Variants in ZNF407 observed in about 807,000 individuals in gnomAD.
ZNF407 encodes the protein zinc finger protein 407.
Under a neutral mutation model 131.2 loss-of-function variants are expected in ZNF407, and 17 were observed. The observed-to-expected ratio is 0.13, with a 90% CI of 0.09 to 0.19. The LOEUF is 0.19. Among genes scored for constraint, ZNF407 ranks in the 10% least tolerant of loss-of-function variants. The pLI is 1.00. For synonymous variants in ZNF407, 1,156 were observed against 1,062.0 expected (o/e 1.09, Z -1.72); for missense variants, 2,681 against 2,830.6 (o/e 0.95, Z 1.20).
chr18:74,967,874 C>T (rs150527505), intron 8 of ZNF407, among the ~76,000 whole-genome samples: 2 of 152,366 alleles, frequency 1.3e-5, no homozygotes, highest in Admixed American at 1.3e-4. Context: ...ATTCTTTCCA[C>T]TATACTGCAG....
rs915571429 is a variant in ZNF407 at position 74,703,063 on chromosome 18, G to T, written c.4802+61941G>T. Among the ~76,000 whole-genome samples the T allele has an allele frequency of 2.6e-5, 4 of 152,224 alleles. No individual in the cohort carries two copies. Among genetic ancestry groups the T allele is most frequent in the African/African-American group, 4.8e-5 (2 of 41,456 alleles). On this transcript the variant is annotated intron_variant, in intron 3 of 8. Transcript: ENST00000299687. The surrounding 1 kb of genome is among the most constrained non-coding windows in gnomAD (Gnocchi z 4.1). ...CAGGAGCATAACTTACACATGCCTG[G>T]TCTAGTGGTTGGAGAAACTCCTGAT...
chr18:74,978,374 AG>A (rs575540023), intron 8 of ZNF407, among the ~76,000 whole-genome samples: 48 of 152,244 alleles, frequency 3.2e-4, no homozygotes, highest in African/African-American at 1.0e-3. Context: ...GAAGACATAG[AG>A]GGGTAACGTA....
At chr18:74,836,434 G>T (rs1299307661) in intron 4 of ZNF407, among the ~76,000 whole-genome samples, 1 of 152,236 alleles carries the variant, frequency 6.6e-6, no homozygotes. Flanking sequence ...GCTGCTGTGT[G>T]TGTATTTGGG....
At chr18:74,855,182 C>A (rs1248765635) in intron 4 of ZNF407, among the ~76,000 whole-genome samples, 2 of 152,170 alleles carry the variant, frequency 1.3e-5, no homozygotes, top group African/African-American at 4.8e-5. Context: ...TGCAAACCAT[C>A]AGATCTATTG....
chr18:74,941,115 T>C (rs1007473625), intron 8 of ZNF407, among the ~76,000 whole-genome samples: 3 of 152,170 alleles, frequency 2.0e-5, no homozygotes, highest in African/African-American at 7.2e-5. Flanking sequence ...TCTTATTCTC[T>C]TGTGACTGCT....
chr18:74,825,160 AC>A (rs1451216438), intron 4 of ZNF407, among the ~76,000 whole-genome samples: 2 of 152,178 alleles, frequency 1.3e-5, no homozygotes, highest in African/African-American at 4.8e-5. Flanking sequence ...ACAATGCAGC[AC>A]CCTTTCATGC....
chr18:74,915,614 C>A (rs1230147396), intron 7 of ZNF407, among the ~76,000 whole-genome samples: 1 of 98,150 alleles, frequency 1.0e-5, no homozygotes, highest in East Asian at 3.3e-4. Flanking sequence ...AGCATTGGTT[C>A]GAATCGGGAG....
At chr18:74,720,066 A>ATT (rs754116070) in intron 3 of ZNF407, among the ~76,000 whole-genome samples, 1,558 of 152,042 alleles carry the variant, frequency 0.01, 7 homozygotes, top group Non-Finnish European at 0.012. Flanking sequence ...TTTTTTTTGA[A>ATT]GAAGAAGAAG....
At chr18:74,610,355 A>G (rs1227694621) in intron 1 of ZNF407, among the ~76,000 whole-genome samples, 1 of 152,034 alleles carries the variant, frequency 6.6e-6, no homozygotes, top group Non-Finnish European at 1.5e-5. Flanking sequence ...TCTACAGTTC[A>G]TGGTGAACAT....
intron 3 of ZNF407, among the ~76,000 whole-genome samples, chr18:74,735,148 G>A (rs1968383659): frequency 6.6e-6 from 1 of 152,140 alleles, no homozygotes. Context: ...CTGTATAGTT[G>A]TTTTAATCAT....
chr18:74,673,785 ATC>A (rs1195249083), intron 3 of ZNF407, among the ~76,000 whole-genome samples: 3 of 152,216 alleles, frequency 2.0e-5, no homozygotes, highest in Non-Finnish European at 4.4e-5. Flanking sequence ...TAATTTAAAT[ATC>A]TCTGCATTTT....
chr18:74,631,329 G>A lies in ZNF407; in HGVS notation c.310G>A (p.Gly104Arg), dbSNP rs376621360. ...AACTTCTGAGAGCTCAGTCACAGAA[G>A]GGGGTATTGCATTAGATGAAACAGG... ...LETSESSVTE[G>R]GIALDETGKE... Residue 104 changes from glycine to arginine, a missense_variant, in exon 2 of 9, where the codon GGG becomes AGG. Gly to Arg is a moderately radical substitution (Grantham distance 125). Around this residue, in one of 6 missense-constraint regions of ZNF407, gnomAD observed 1,789 missense variants for 1,748.7 expected, o/e 1.02. Coordinates refer to ENST00000299687, the MANE Select transcript of ZNF407 (RefSeq NM_017757.3). 5.0e-6 allele frequency: 8 copies of A among 1,614,010 alleles called. No individual in the cohort carries two copies. Among genetic ancestry groups the A allele is most frequent in the South Asian group, 2.2e-5 (2 of 91,080 alleles).
chr18:74,809,041 T>C (rs931865461), intron 4 of ZNF407, among the ~76,000 whole-genome samples: 6 of 152,140 alleles, frequency 3.9e-5, no homozygotes, highest in African/African-American at 1.4e-4. Flanking sequence ...TTACCTCGCA[T>C]AGTAAAACTG....
At chr18:75,023,974 T>C (rs1357087468) in intron 8 of ZNF407, among the ~76,000 whole-genome samples, 2 of 152,176 alleles carry the variant, frequency 1.3e-5, no homozygotes, top group Non-Finnish European at 2.9e-5. Flanking sequence ...TGCTAAGTTA[T>C]GGGGCAAGTT....
chr18:74,965,025 T>A (rs1381563463), intron 8 of ZNF407, among the ~76,000 whole-genome samples: 1 of 152,168 alleles, frequency 6.6e-6, no homozygotes, highest in African/African-American at 2.4e-5. Context: ...TGTAGTCCCA[T>A]TTTTTATTTT....
intron 4 of ZNF407, among the ~76,000 whole-genome samples, chr18:74,827,639 T>C (rs980074801): frequency 6.6e-6 from 1 of 152,210 alleles, no homozygotes; most frequent in African/African-American, 2.4e-5. Context: ...TGGAATTGTC[T>C]CTTTCTCCAG....
chr18:74,769,865 T>TG (rs1290107845), intron 3 of ZNF407, among the ~76,000 whole-genome samples: 1 of 152,218 alleles, frequency 6.6e-6, no homozygotes, highest in Non-Finnish European at 1.5e-5. Flanking sequence ...TGAAAAATAA[T>TG]GCAGCAGACA....
At chr18:74,866,335 AAT>A (rs1971009900) in intron 4 of ZNF407, among the ~76,000 whole-genome samples, 2 of 152,318 alleles carry the variant, frequency 1.3e-5, no homozygotes, top group Admixed American at 1.3e-4. Flanking sequence ...ATTACTGGGT[AAT>A]ACATCTCAAC....
rs567533660 is a variant in ZNF407 at position 74,952,769 on chromosome 18, G to A, written c.5428+32077G>A. Among the ~76,000 whole-genome samples, 5 of 152,256 alleles carry A rather than the reference G, an allele frequency of 3.3e-5. No homozygotes were observed. In the East Asian group the frequency reaches 7.7e-4, roughly 24 times the overall value. ...AGAAGTATAAACCCTTGAAACCATG[G>A]CCATAATTAAAATAATGAACACATC... is the stretch of plus-strand genomic sequence containing the variant. On this transcript the variant is annotated intron_variant, in intron 8 of 8. Transcript: ENST00000299687.
Sources: gnomAD v4.1 joint callset for allele counts (sites outside exome capture counted in the v4.1 genomes callset) on GRCh38, gnomAD v4.1.1 for gene constraint, gnomAD v4.1.1 regional missense constraint, Gnocchi (gnomAD v3.1) non-coding constraint, MANE v1.5 for transcripts, NCBI Gene and HGNC (gene_info 2026-07-23, HGNC 2026-07-21) for gene names.